The following MAD1L1 variants were observed in gnomAD, a reference collection of about 807,000 sequenced individuals.
The protein encoded by MAD1L1 is mitotic arrest deficient 1 like 1.
A neutral mutation model predicts 96.9 loss-of-function variants in MAD1L1; 95 were observed. The observed-to-expected ratio is 0.98, with a 90% confidence interval of 0.83 to 1.16. The LOEUF (loss-of-function observed/expected upper bound fraction) is 1.16, where lower values mean the gene tolerates loss of function less well. MAD1L1 is among the 50% of genes most tolerant of loss of function. The pLI is 0.00. For missense variants in MAD1L1, 1,007 were observed against 954.4 expected, an observed-to-expected ratio of 1.06 and a Z score of -0.73; for synonymous variants, 473 against 396.6, an observed-to-expected ratio of 1.19 and a Z score of -2.29.
chr7:2,133,557 C>G (rs1473647693), intron 11 of MAD1L1, among the ~76,000 whole-genome samples: 2 of 152,362 alleles, frequency 1.3e-5, no homozygotes, highest in African/African-American at 4.8e-5. Flanking sequence ...CCAACTCTAA[C>G]GAGGTCCATC....
chr7:2,140,387 T>G (rs570769809), intron 11 of MAD1L1, among the ~76,000 whole-genome samples: 2 of 152,182 alleles, frequency 1.3e-5, no homozygotes, highest in Admixed American at 1.3e-4. Flanking sequence ...CCTCCACGCC[T>G]CAGAATCGGA....
At chr7:2,134,446 C>A (rs977755115) in intron 11 of MAD1L1, among the ~76,000 whole-genome samples, 4 of 152,196 alleles carry the variant, frequency 2.6e-5, no homozygotes, top group African/African-American at 7.2e-5. Flanking sequence ...AGTTTTATTT[C>A]TTCCTTCCTT....
At chr7:2,076,962 G>A (rs888998244) in intron 11 of MAD1L1, among the ~76,000 whole-genome samples, 6 of 145,036 alleles carry the variant, frequency 4.1e-5, no homozygotes, top group Admixed American at 1.3e-4. Context: ...CCCGCGGCAC[G>A]GTGAGCCCGC....
At chr7:2,046,741 G>A (rs1352004873) in intron 12 of MAD1L1, among the ~76,000 whole-genome samples, 1 of 152,224 alleles carries the variant, frequency 6.6e-6, no homozygotes, top group Non-Finnish European at 1.5e-5. Context: ...ACCAAGGGTG[G>A]GAAAAGAGGT....
intron 16 of MAD1L1, among the ~76,000 whole-genome samples, chr7:1,954,247 C>T (rs1373249219): frequency 6.6e-6 from 1 of 152,172 alleles, no homozygotes; most frequent in Non-Finnish European, 1.5e-5. Context: ...GAGCCATCAC[C>T]GGAGATCTCC....
intron 12 of MAD1L1, among the ~76,000 whole-genome samples, chr7:2,019,226 A>C (rs927745026): frequency 2.6e-5 from 4 of 152,142 alleles, no homozygotes; most frequent in Non-Finnish European, 2.9e-5. Context: ...CCCAGCAGCA[A>C]GATCGCCCCA....
intron 11 of MAD1L1, among the ~76,000 whole-genome samples, chr7:2,069,772 T>C (rs1785040435): frequency 6.6e-6 from 1 of 152,226 alleles, no homozygotes; most frequent in Admixed American, 6.5e-5. Context: ...AAGCCCAGCC[T>C]GGCGCTAAGC....
At chr7:2,070,288 C>T (rs1414214081) in intron 11 of MAD1L1, among the ~76,000 whole-genome samples, 1 of 152,218 alleles carries the variant, frequency 6.6e-6, no homozygotes, top group African/African-American at 2.4e-5. Flanking sequence ...CCCAGGACTC[C>T]ACCTCCTCAC....
intron 12 of MAD1L1, among the ~76,000 whole-genome samples, chr7:2,029,495 A>G (rs1783124323): frequency 6.6e-6 from 1 of 152,162 alleles, no homozygotes; most frequent in South Asian, 2.1e-4. Flanking sequence ...ATTTCATCAT[A>G]GCCCTCTAAG....
chr7:1,834,175 G>A (rs941478283), intron 18 of MAD1L1, among the ~76,000 whole-genome samples: 3 of 152,078 alleles, frequency 2.0e-5, no homozygotes, highest in African/African-American at 4.8e-5. Context: ...GATGCCACTA[G>A]AGCAGAAACT....
Position 1,816,041 on chromosome 7 carries a change from G to C in MAD1L1, c.*29C>G. On this transcript the variant is annotated 3_prime_UTR_variant, in exon 19 of 19. Transcript: ENST00000265854. ...ACCTGCAGGTCAGGCCAAGCAGAGT[G>C]GCTCCGGCTATGCCCCCGAGCCTGC... The C allele has an allele frequency of 6.3e-7, 1 of 1,584,522 alleles. No individual in the cohort carries two copies. The highest frequency in any genetic ancestry group is 8.6e-7 in the Non-Finnish European group (1 of 1,164,764).
chr7:2,078,144 G>T (rs1025879663), intron 11 of MAD1L1, among the ~76,000 whole-genome samples: 1 of 152,168 alleles, frequency 6.6e-6, no homozygotes, highest in African/African-American at 2.4e-5. Flanking sequence ...GACAGACGCA[G>T]GCTCCTTGTG....
chr7:1,923,857 C>T (rs1331226468), intron 17 of MAD1L1, among the ~76,000 whole-genome samples: 1 of 152,222 alleles, frequency 6.6e-6, no homozygotes, highest in African/African-American at 2.4e-5. Context: ...CTGAGCTAGA[C>T]CACACCAGGA....
chr7:1,993,548 C>T (rs978573602), intron 14 of MAD1L1, among the ~76,000 whole-genome samples: 4 of 152,222 alleles, frequency 2.6e-5, no homozygotes, highest in Non-Finnish European at 4.4e-5. Context: ...AACAAGCTTA[C>T]GCCTTCCCTC....
intron 18 of MAD1L1, among the ~76,000 whole-genome samples, chr7:1,827,480 C>A (rs1426166751): frequency 1.1e-3 from 158 of 137,630 alleles, no homozygotes; most frequent in Admixed American, 4.7e-3. Context: ...GGTGTGGGGG[C>A]CTCCCCTCCT....
chr7:1,938,892 G>GCCAGGA (rs1778773081), intron 16 of MAD1L1, among the ~76,000 whole-genome samples: 1 of 107,102 alleles, frequency 9.3e-6, no homozygotes, highest in African/African-American at 3.9e-5. Context: ...CAGGGCCGGG[G>GCCAGGA]CCAGAGGCGC....
chr7:2,103,339 C>T lies in MAD1L1; in HGVS notation c.1074-34001G>A, dbSNP rs1373041869. On this transcript the variant is annotated intron_variant, in intron 11 of 18. Coordinates refer to ENST00000265854, the MANE Select transcript of MAD1L1 (RefSeq NM_001013836.2). This position sits in a 1 kb window ranked among gnomAD's most constrained non-coding sequence, Gnocchi z 4.3. ...CTGCGCTCCTGCACTCAGTGAAGGCCTGGGCCTGCCTGCCCCGCCGCTCAG... is the reference window on the plus strand; with the variant it reads ...CTGCGCTCCTGCACTCAGTGAAGGCTTGGGCCTGCCTGCCCCGCCGCTCAG... Among the ~76,000 whole-genome samples, 1 of 152,164 alleles carries T rather than the reference C, an allele frequency of 6.6e-6. No homozygotes were observed. The highest frequency in any genetic ancestry group is 1.5e-5 in the Non-Finnish European group (1 of 68,014).
At chr7:1,844,023 G>A (rs2128634643) in intron 18 of MAD1L1, among the ~76,000 whole-genome samples, 1 of 152,334 alleles carries the variant, frequency 6.6e-6, no homozygotes, top group African/African-American at 2.4e-5. Context: ...GGCAGCAAGT[G>A]GAGCCTATGC....
chr7:1,960,862 A>AAG (rs1779924470), intron 15 of MAD1L1, among the ~76,000 whole-genome samples: 1 of 152,216 alleles, frequency 6.6e-6, no homozygotes, highest in South Asian at 2.1e-4. Flanking sequence ...CACTTGAACT[A>AAG]TGTACCAAGA....
Sources: allele counts gnomAD v4.1 joint callset (sites outside exome capture counted in the v4.1 genomes callset), GRCh38; gene constraint gnomAD v4.1.1; non-coding constraint Gnocchi (gnomAD v3.1); transcripts MANE v1.5; gene names NCBI Gene and HGNC (gene_info 2026-07-23, HGNC 2026-07-21).